PARN: variants seen among roughly 807,000 people sequenced by gnomAD.
PARN encodes poly(A)-specific ribonuclease, also known as poly(A)-specific ribonuclease PARN.
PARN carries 71 observed loss-of-function variants against 102.8 expected under a neutral mutation model. That is an observed-to-expected ratio of 0.69 (90% CI 0.57 to 0.84). The LOEUF (loss-of-function observed/expected upper bound fraction) is 0.84. PARN is among the 40% of genes least tolerant of loss of function. The pLI, the probability that PARN is intolerant of heterozygous loss-of-function variation, is 0.00. For synonymous variants in PARN, 261 were observed against 252.9 expected, an observed-to-expected ratio of 1.03 and a Z score of -0.30; for missense variants, 782 against 760.9, an observed-to-expected ratio of 1.03 and a Z score of -0.33.
intron 5 of PARN, among the ~76,000 whole-genome samples, chr16:14,625,556 T>C (rs1374937302): frequency 1.3e-5 from 2 of 152,198 alleles, no homozygotes; most frequent in South Asian, 2.1e-4. Context: ...ACCACGGTGA[T>C]TGACAAATAG....
chr16:14,495,342 G>C (rs1022743432), intron 21 of PARN, among the ~76,000 whole-genome samples: 1 of 152,146 alleles, frequency 6.6e-6, no homozygotes, highest in Admixed American at 6.5e-5. Context: ...AAATTAGCTA[G>C]GCATGGTGGT....
At chr16:14,453,951 G>C (rs1961572729) in intron 22 of PARN, among the ~76,000 whole-genome samples, 1 of 152,006 alleles carries the variant, frequency 6.6e-6, no homozygotes, top group African/African-American at 2.4e-5. Flanking sequence ...AAGGATTTCT[G>C]GGTGATATAT....
intron 12 of PARN, among the ~76,000 whole-genome samples, chr16:14,595,872 C>T (rs1389289523): frequency 2.0e-5 from 3 of 152,072 alleles, no homozygotes; most frequent in Non-Finnish European, 4.4e-5. Flanking sequence ...CCCATGTTGC[C>T]CAGGCTGGTC....
chr16:14,521,603 A>T (rs1261247896), intron 21 of PARN, among the ~76,000 whole-genome samples: 2 of 152,194 alleles, frequency 1.3e-5, no homozygotes, highest in African/African-American at 2.4e-5. Flanking sequence ...GTTTGAGACC[A>T]GCCTGACCAA....
intron 21 of PARN, among the ~76,000 whole-genome samples, chr16:14,500,638 A>G (rs1182562024): frequency 1.3e-5 from 2 of 152,220 alleles, no homozygotes; most frequent in Admixed American, 6.5e-5. Context: ...TTCTAATTCT[A>G]AAGTGCTACA....
In PARN at chr16:14,456,091, CTCTAT is replaced by C. The variant is rs1387019550; in HGVS notation, c.1671-9015_1671-9011del. Among the ~76,000 whole-genome samples the C allele has an allele frequency of 2.0e-5, 3 of 152,202 alleles. 1 individual carries two copies. In the East Asian group the frequency reaches 5.8e-4, roughly 29 times the overall value. On this transcript the variant is annotated intron_variant, in intron 22 of 23. Transcript: ENST00000437198. ...ACATATGTGGTTGTATTCTTGGACT[CTCTAT>C]TCTATTTTGTTTCACTATCTGTCTT...
At chr16:14,548,873 G>A (rs1187218578) in intron 21 of PARN, among the ~76,000 whole-genome samples, 1 of 152,044 alleles carries the variant, frequency 6.6e-6, no homozygotes, top group Non-Finnish European at 1.5e-5. Flanking sequence ...AGAATTGCCT[G>A]AACCCAGGAG....
chr16:14,562,965 G>A (rs1452501499), intron 18 of PARN, among the ~76,000 whole-genome samples: 2 of 152,178 alleles, frequency 1.3e-5, no homozygotes, highest in Admixed American at 6.5e-5. Flanking sequence ...GTAGTCCGGT[G>A]AATATTAAGT....
chr16:14,469,535 C>T (rs866362946), intron 22 of PARN, among the ~76,000 whole-genome samples: 2 of 152,190 alleles, frequency 1.3e-5, no homozygotes, highest in Non-Finnish European at 2.9e-5. Context: ...CCCCTCAGAT[C>T]TGGAGATCGT....
At chr16:14,529,115 A>G (rs1227134372) in intron 21 of PARN, among the ~76,000 whole-genome samples, 1 of 152,214 alleles carries the variant, frequency 6.6e-6, no homozygotes, top group Non-Finnish European at 1.5e-5. Context: ...GGTGGCCCTG[A>G]GCGAGTGCCT....
intron 21 of PARN, among the ~76,000 whole-genome samples, chr16:14,541,671 T>A (rs1419369682): frequency 6.6e-6 from 1 of 152,032 alleles, no homozygotes; most frequent in Non-Finnish European, 1.5e-5. Flanking sequence ...GAGACGGGAT[T>A]CTACCATGCT....
At chr16:14,595,774 G>T (rs1970469802) in intron 12 of PARN, among the ~76,000 whole-genome samples, 1 of 151,936 alleles carries the variant, frequency 6.6e-6, no homozygotes, top group African/African-American at 2.4e-5. Context: ...CACGTGATCT[G>T]CCCGCCTTGG....
At chr16:14,566,312 G>A (rs939876839) in intron 18 of PARN, among the ~76,000 whole-genome samples, 2 of 152,208 alleles carry the variant, frequency 1.3e-5, no homozygotes, top group Non-Finnish European at 2.9e-5. Context: ...CAGAGACAGA[G>A]AGGACACACA....
chr16:14,527,716 G>C (rs1294317630), intron 21 of PARN, among the ~76,000 whole-genome samples: 1 of 152,136 alleles, frequency 6.6e-6, no homozygotes, highest in Non-Finnish European at 1.5e-5. Flanking sequence ...CATCTAACAC[G>C]TGTTTTCTCT....
chr16:14,602,276 C>T (rs1198263344), intron 11 of PARN, among the ~76,000 whole-genome samples: 2 of 152,106 alleles, frequency 1.3e-5, no homozygotes, highest in African/African-American at 4.8e-5. Context: ...TCTCCCGGTA[C>T]ATTTTGTCGA....
At chr16:14,496,450 C>CT (rs139038435) in intron 21 of PARN, among the ~76,000 whole-genome samples, 1 of 152,112 alleles carries the variant, frequency 6.6e-6, no homozygotes, top group South Asian at 2.1e-4. Flanking sequence ...AGAAACCCTT[C>CT]TTTTTTTAAA....
intron 22 of PARN, among the ~76,000 whole-genome samples, chr16:14,466,183 AT>A (rs1962337508): frequency 6.6e-6 from 1 of 152,236 alleles, no homozygotes. Flanking sequence ...CAGTAAGTAC[AT>A]TATTTGAGAA....
intron 21 of PARN, among the ~76,000 whole-genome samples, chr16:14,546,981 T>A (rs1186184699): frequency 1.3e-5 from 2 of 151,512 alleles, no homozygotes; most frequent in African/African-American, 4.9e-5. Flanking sequence ...TAATCCCAGC[T>A]ACTCAGGAGG....
chr16:14,477,739 A>C (rs1225021826), intron 22 of PARN, among the ~76,000 whole-genome samples: 19 of 151,902 alleles, frequency 1.3e-4, no homozygotes, highest in Admixed American at 1.2e-3. Context: ...AGATTGCGCC[A>C]CTGCACTCCA....
Sources: gnomAD v4.1 joint callset for allele counts (sites outside exome capture counted in the v4.1 genomes callset) on GRCh38, gnomAD v4.1.1 for gene constraint, MANE v1.5 for transcripts, NCBI Gene and HGNC (gene_info 2026-07-23, HGNC 2026-07-21) for gene names.